NCOA3: variants seen among roughly 807,000 people sequenced by gnomAD.
NCOA3 encodes CBP-interacting protein.
Under a neutral mutation model 158.8 loss-of-function variants are expected in NCOA3, and 51 were observed. That is an observed-to-expected ratio of 0.32 (90% CI 0.26 to 0.41). The LOEUF (loss-of-function observed/expected upper bound fraction) is 0.41. NCOA3 is among the 10% of genes least tolerant of loss of function. NCOA3 has a pLI of 1.00. For synonymous variants in NCOA3, 537 were observed against 592.4 expected (o/e 0.91, Z 1.36); for missense variants, 1,510 against 1,746.6 (o/e 0.86, Z 2.41).
Position 47,595,179 on chromosome 20 carries a change from A to G in NCOA3, c.-20+11918A>G, listed in dbSNP as rs1399265548. On this transcript the variant is annotated intron_variant, in intron 2 of 22. Coordinates refer to ENST00000371998, the MANE Select transcript of NCOA3 (RefSeq NM_181659.3). ...AGCGGCGCCATCTCGGCTCACTGCA[A>G]CCTCTGCCTGTTGGGTTCAAGCGAT... Among the ~76,000 whole-genome samples, 14 of 150,012 alleles carry G rather than the reference A, an allele frequency of 9.3e-5. No individual in the cohort carries two copies. In the East Asian group the frequency reaches 2.2e-3, roughly 23 times the overall value.
Position 47,533,191 on chromosome 20 carries a change from A to G in NCOA3, c.-99+31172A>G, listed in dbSNP as rs182025559. Among the ~76,000 whole-genome samples, 138 of 145,724 alleles carry G rather than the reference A, an allele frequency of 9.5e-4. 6 individuals are homozygous for G. In the East Asian group the frequency reaches 0.027, roughly 28 times the overall value. On this transcript the variant is annotated intron_variant, in intron 1 of 22. Transcript: ENST00000371998. ...TCCCAGCTACTCAGGAGGCTGAGGC[A>G]GGAGAATCATTTGAATTTGGGAGGC...
At chr20:47,605,794 T>C (rs1253839506) in intron 2 of NCOA3, among the ~76,000 whole-genome samples, 1 of 152,220 alleles carries the variant, frequency 6.6e-6, no homozygotes, top group African/African-American at 2.4e-5. Flanking sequence ...AATACAAAAT[T>C]CGTATTTTAT....
In NCOA3 at chr20:47,641,096, T is replaced by G. The variant is rs553972424; in HGVS notation, c.3080+1045T>G. ...CTTCTCTACTCTATATGAATTTATT[T>G]GAATGCTTCTCTACTCAATAGAGAG... On this transcript the variant is annotated intron_variant, in intron 16 of 22. Transcript: ENST00000371998. 8.5e-5 allele frequency among the ~76,000 whole-genome samples: 13 copies of G among 152,150 alleles called. No homozygotes were observed. The South Asian group carries it at 2.7e-3, about 32-fold the overall frequency.
chr20:47,530,616 C>A (rs1306168005), intron 1 of NCOA3, among the ~76,000 whole-genome samples: 1 of 152,040 alleles, frequency 6.6e-6, no homozygotes, highest in Non-Finnish European at 1.5e-5. Flanking sequence ...GCTCCCGCCA[C>A]CATGCCTGGC....
intron 1 of NCOA3, among the ~76,000 whole-genome samples, chr20:47,561,977 CT>C (rs145723096): frequency 1.1e-4 from 16 of 148,642 alleles, no homozygotes; most frequent in African/African-American, 9.9e-5. Flanking sequence ...CATAGTTTTG[CT>C]TTTTTTTTTG....
intron 1 of NCOA3, among the ~76,000 whole-genome samples, chr20:47,545,020 T>C (rs2084804899): frequency 6.6e-6 from 1 of 152,108 alleles, no homozygotes. Flanking sequence ...GCTGGCTTGG[T>C]GATGATAAAA....
At chr20:47,604,703 G>C (rs557358585) in intron 2 of NCOA3, among the ~76,000 whole-genome samples, 1 of 152,148 alleles carries the variant, frequency 6.6e-6, no homozygotes, top group African/African-American at 2.4e-5. Flanking sequence ...TTTCCAAAGT[G>C]CTGGCAATGT....
rs761455736 is a variant in NCOA3, at chr20:47,651,134, A to ACAGCAACAG, written c.3820_3828dup (p.Gln1274_Gln1276dup). 5.6e-6 allele frequency: 9 copies of ACAGCAACAG among 1,611,908 alleles called. No individual in the cohort carries two copies. The highest frequency in any genetic ancestry group is 2.2e-5 in the East Asian group (1 of 44,858). On this transcript the variant is annotated inframe_insertion, in exon 20 of 23. Transcript: ENST00000371998. Reference sequence around the variant, plus strand: ...AGCAGCAGCAGCAACAGCAACAGCAACAGCAACAGCAGCAACAGCAGCAAA... The same window carrying ACAGCAACAG: ...AGCAGCAGCAGCAACAGCAACAGCAACAGCAACAGCAGCAACAGCAGCAACAGCAGCAAA...
intron 1 of NCOA3, among the ~76,000 whole-genome samples, chr20:47,526,170 G>A (rs1033055509): frequency 1.2e-4 from 18 of 149,970 alleles, no homozygotes; most frequent in Admixed American, 2.0e-4. Flanking sequence ...ATGGGCGGCC[G>A]GGCAGAGACG....
At chr20:47,580,704 C>T (rs574719242) in intron 1 of NCOA3, among the ~76,000 whole-genome samples, 1 of 152,234 alleles carries the variant, frequency 6.6e-6, no homozygotes, top group Non-Finnish European at 1.5e-5. Flanking sequence ...TGATTTAAAA[C>T]AGGGCCAGAA....
At chr20:47,647,909 G>GTTTT (rs1199919209) in intron 18 of NCOA3, among the ~76,000 whole-genome samples, 48 of 128,084 alleles carry the variant, frequency 3.7e-4, no homozygotes, top group African/African-American at 1.0e-3. Context: ...TTGTTTGTTT[G>GTTTT]TTTTGTTTTG....
At chr20:47,593,588 C>T (rs1409974017) in intron 2 of NCOA3, among the ~76,000 whole-genome samples, 3 of 152,016 alleles carry the variant, frequency 2.0e-5, no homozygotes, top group Admixed American at 2.0e-4. Flanking sequence ...CGTGATCCGC[C>T]TGCCTCGGCC....
intron 18 of NCOA3, among the ~76,000 whole-genome samples, chr20:47,648,519 A>T (rs2086728934): frequency 1.3e-5 from 2 of 152,056 alleles, no homozygotes; most frequent in South Asian, 4.1e-4. Flanking sequence ...GGGTTTCAGG[A>T]TGGAATGCAG....
chr20:47,546,819 C>G (rs1164358356), intron 1 of NCOA3, among the ~76,000 whole-genome samples: 1 of 152,166 alleles, frequency 6.6e-6, no homozygotes, highest in Admixed American at 6.5e-5. Flanking sequence ...GCATGAGCCA[C>G]CGCTACCGGC....
At chr20:47,517,453 T>TTC (rs2084253546) in intron 1 of NCOA3, among the ~76,000 whole-genome samples, 1 of 141,606 alleles carries the variant, frequency 7.1e-6, no homozygotes, top group African/African-American at 2.8e-5. Context: ...TTCTTTTTCT[T>TTC]TTTTTTTTTT....
chr20:47,554,302 C>G (rs1175910181), intron 1 of NCOA3, among the ~76,000 whole-genome samples: 2 of 151,886 alleles, frequency 1.3e-5, no homozygotes, highest in Non-Finnish European at 2.9e-5. Context: ...GATATTAGCC[C>G]TTTGTCAGAT....
chr20:47,638,925 G>C, intron 13 of NCOA3, 83 bp from the exon 14 acceptor site: 1 of 1,045,760 alleles, frequency 9.6e-7, no homozygotes, highest in Non-Finnish European at 1.3e-6. Context: ...TTCTTGGGTG[G>C]GGAGTGGTGG....
chr20:47,541,086 G>C (rs2084719907), intron 1 of NCOA3, among the ~76,000 whole-genome samples: 1 of 151,636 alleles, frequency 6.6e-6, no homozygotes, highest in Non-Finnish European at 1.5e-5. Flanking sequence ...TGCTTCTATT[G>C]TATCAAGTAG....
intron 2 of NCOA3, among the ~76,000 whole-genome samples, chr20:47,598,760 A>G (rs1394065053): frequency 6.6e-6 from 1 of 152,242 alleles, no homozygotes; most frequent in African/African-American, 2.4e-5. Context: ...TTAAATTTCC[A>G]TCAGCTGATA....
Sources: allele counts gnomAD v4.1 joint callset (sites outside exome capture counted in the v4.1 genomes callset), GRCh38; gene constraint gnomAD v4.1.1; transcripts MANE v1.5; gene names NCBI Gene and HGNC (gene_info 2026-07-23, HGNC 2026-07-21).